The following DNAJC15 variants were observed in gnomAD, a reference collection of about 807,000 sequenced individuals.
DNAJC15 encodes the protein DnaJ heat shock protein family (Hsp40) member C15.
A neutral mutation model predicts 22.4 loss-of-function variants in DNAJC15; 27 were observed. The observed-to-expected ratio is 1.20, with a 90% CI of 0.89 to 1.66. DNAJC15 has a LOEUF of 1.66. Ranked by LOEUF, DNAJC15 falls within the 40% of genes most tolerant of loss-of-function variation. The probability of loss-of-function intolerance (pLI) is 0.00; values close to 1 mark genes in which losing one functional copy is unlikely to be tolerated. For synonymous variants in DNAJC15, 79 were observed against 63.2 expected (o/e 1.25, Z -1.19); for missense variants, 208 against 187.1 (o/e 1.11, Z -0.65).
intron 5 of DNAJC15, among the ~76,000 whole-genome samples, chr13:43,087,209 A>G (rs1443837813): frequency 3.9e-5 from 6 of 152,200 alleles, no homozygotes; most frequent in Non-Finnish European, 7.3e-5. Flanking sequence ...CTCTGAGAAT[A>G]TATTGACAAC....
chr13:43,031,475 C>T lies in DNAJC15; in HGVS notation c.108+7741C>T, dbSNP rs145597126. ...TCCTAGACTGGGAACTCCTCAGCAG[C>T]GGAGATCCTGTAGAAGAGGACAAGC... On this transcript the variant is annotated intron_variant, in intron 1 of 5. Coordinates refer to ENST00000379221, the MANE Select transcript of DNAJC15 (RefSeq NM_013238.3). Among the ~76,000 whole-genome samples the T allele has an allele frequency of 4.8e-4, 73 of 152,206 alleles. 1 individual carries two copies. Among genetic ancestry groups the T allele is most frequent in the African/African-American group, 1.7e-3 (71 of 41,520 alleles).
chr13:43,054,735 G>A (rs2040521356), intron 1 of DNAJC15, among the ~76,000 whole-genome samples: 1 of 151,974 alleles, frequency 6.6e-6, no homozygotes, highest in South Asian at 2.1e-4. Flanking sequence ...TATTTCTGTG[G>A]TATTGGTTGT....
intron 3 of DNAJC15, among the ~76,000 whole-genome samples, chr13:43,075,817 T>C (rs1036438232): frequency 6.6e-6 from 1 of 152,002 alleles, no homozygotes; most frequent in Admixed American, 6.6e-5. Flanking sequence ...CATGCACCAC[T>C]ACACCCAGCT....
chr13:43,083,094 T>A (rs1356025622), intron 4 of DNAJC15, among the ~76,000 whole-genome samples: 1 of 152,190 alleles, frequency 6.6e-6, no homozygotes, highest in Non-Finnish European at 1.5e-5. Context: ...TTAAGGAGTT[T>A]ACCTTTTTAC....
At chr13:43,030,692 T>C (rs1314005969) in intron 1 of DNAJC15, among the ~76,000 whole-genome samples, 1 of 152,192 alleles carries the variant, frequency 6.6e-6, no homozygotes, top group Non-Finnish European at 1.5e-5. Context: ...CATTTTTTCC[T>C]CAAGGGACTT....
chr13:43,107,529 AC>A lies in DNAJC15; in HGVS notation c.*282del, dbSNP rs2040803673. ...TTATGTTCTGAATTCCCCCCTACAC[AC>A]ACACACACACACACACACACACACA... On this transcript the variant is annotated 3_prime_UTR_variant, in exon 6 of 6. Transcript: ENST00000379221. 20 of 42,914 alleles carry A rather than the reference AC, an allele frequency of 4.7e-4. No homozygotes were observed. The South Asian group carries it at 0.013, about 29-fold the overall frequency. 2.7% of individuals were successfully genotyped at this position (42,914 alleles called of 1,614,324 possible). A position where few individuals can be genotyped will look rare whatever the true frequency, so the allele number is the denominator to read the frequency against.
chr13:43,042,790 T>TGGCC (rs2040459884), intron 1 of DNAJC15, among the ~76,000 whole-genome samples: 1 of 152,220 alleles, frequency 6.6e-6, no homozygotes, highest in African/African-American at 2.4e-5. Flanking sequence ...CCATATAGAT[T>TGGCC]GGCCCACATA....
chr13:43,037,327 T>TG (rs1174662434), intron 1 of DNAJC15, among the ~76,000 whole-genome samples: 1 of 152,176 alleles, frequency 6.6e-6, no homozygotes, highest in African/African-American at 2.4e-5. Context: ...GGGTTCTTGC[T>TG]GGAGACTTCA....
At chr13:43,097,055 G>A (rs1234496268) in intron 5 of DNAJC15, among the ~76,000 whole-genome samples, 2 of 152,142 alleles carry the variant, frequency 1.3e-5, no homozygotes, top group African/African-American at 4.8e-5. Context: ...TAAGTTTTGG[G>A]GTGGTTTGTT....
intron 1 of DNAJC15, among the ~76,000 whole-genome samples, chr13:43,023,982 A>G (rs2040365670): frequency 6.6e-6 from 1 of 152,252 alleles, no homozygotes; most frequent in Non-Finnish European, 1.5e-5. Flanking sequence ...CACAAACCAG[A>G]AAACAGGCAA....
chr13:43,038,831 C>T (rs1012216600), intron 1 of DNAJC15, among the ~76,000 whole-genome samples: 1 of 148,726 alleles, frequency 6.7e-6, no homozygotes, highest in Non-Finnish European at 1.5e-5. Flanking sequence ...GAAAATACCA[C>T]TGGGGGAAGG....
chr13:43,070,522 CAGGG>C (rs1306678067), intron 3 of DNAJC15, among the ~76,000 whole-genome samples: 35 of 151,468 alleles, frequency 2.3e-4, no homozygotes, highest in African/African-American at 8.0e-4. Flanking sequence ...AAAACCAAAT[CAGGG>C]TAAGAGGTTA....
intron 3 of DNAJC15, among the ~76,000 whole-genome samples, chr13:43,069,906 A>G (rs1450687825): frequency 1.3e-5 from 2 of 152,084 alleles, no homozygotes; most frequent in African/African-American, 4.8e-5. Flanking sequence ...TACCTACTTT[A>G]TATATGTTAT....
intron 5 of DNAJC15, among the ~76,000 whole-genome samples, chr13:43,104,221 G>T (rs779178434): frequency 3.9e-5 from 6 of 151,956 alleles, no homozygotes; most frequent in Non-Finnish European, 7.4e-5. Flanking sequence ...CCACAGCCTG[G>T]GCAATCACCA....
At chr13:43,023,944 C>T (rs1323882106) in intron 1 of DNAJC15, among the ~76,000 whole-genome samples, 2 of 152,238 alleles carry the variant, frequency 1.3e-5, no homozygotes, top group African/African-American at 4.8e-5. Flanking sequence ...GATCTGTCTC[C>T]TCAAGGAGCT....
intron 2 of DNAJC15, among the ~76,000 whole-genome samples, chr13:43,066,174 T>C (rs1047590164): frequency 7.9e-5 from 12 of 151,790 alleles, no homozygotes; most frequent in African/African-American, 2.9e-4. Context: ...TCTCTAAACA[T>C]ATTGGTATAA....
At chr13:43,061,536 A>G (rs1001721961) in intron 1 of DNAJC15, among the ~76,000 whole-genome samples, 7 of 152,212 alleles carry the variant, frequency 4.6e-5, no homozygotes, top group African/African-American at 1.4e-4. Flanking sequence ...GGCATTGATG[A>G]TGGAGGACCC....
At chr13:43,064,970 GAA>G (rs34236620) in intron 1 of DNAJC15, among the ~76,000 whole-genome samples, 36,163 of 142,508 alleles carry the variant, frequency 0.25, 5,042 homozygotes, top group African/African-American at 0.4. Context: ...TGATCATATT[GAA>G]AAAAAAAAAA....
chr13:43,071,377 A>G (rs188454621), intron 3 of DNAJC15, among the ~76,000 whole-genome samples: 2 of 152,334 alleles, frequency 1.3e-5, no homozygotes. Flanking sequence ...GGCTCAAGGT[A>G]AGAAACTTCG....
Sources: gnomAD v4.1 joint callset for allele counts (sites outside exome capture counted in the v4.1 genomes callset) on GRCh38, gnomAD v4.1.1 for gene constraint, MANE v1.5 for transcripts, NCBI Gene and HGNC (gene_info 2026-07-23, HGNC 2026-07-21) for gene names.